Variants in MROH2A observed in about 807,000 individuals in gnomAD.
The protein encoded by MROH2A is maestro heat like repeat family member 2A, also known as maestro heat-like repeat-containing protein family member 2A.
A neutral mutation model predicts 200.4 loss-of-function variants in MROH2A; 174 were observed. That is an observed-to-expected ratio of 0.87 (90% CI 0.77 to 0.98). The LOEUF is 0.98. MROH2A is among the 50% of genes least tolerant of loss of function. The pLI is 0.00. For missense variants in MROH2A, 2,045 were observed against 2,139.6 expected (o/e 0.96, Z 0.87); for synonymous variants, 829 against 840.4 (o/e 0.99, Z 0.23).
Position 233,822,528 on chromosome 2 carries a change from CCT to C in MROH2A, c.3841_3842del (p.Leu1281AlafsTer178). The C allele has an allele frequency of 6.5e-7, 1 of 1,550,348 alleles. No individual in the cohort carries two copies. On this transcript the variant is annotated frameshift_variant, in exon 33 of 42. Coordinates refer to ENST00000389758, the MANE Select transcript of MROH2A (RefSeq NM_001394639.1). LOFTEE classifies it high-confidence loss of function. ...LKMWKLVHTT[P>X]LPEEMNLQRV... The stretch of plus-strand genomic sequence containing the variant: ...GATGTGGAAGCTGGTCCACACCACT[CCT>C]CTGCCGGAGGAGATGAACCTGCAAA...
At chr2:233,793,452 C>A (rs1701909013) in intron 6 of MROH2A, among the ~76,000 whole-genome samples, 1 of 152,206 alleles carries the variant, frequency 6.6e-6, no homozygotes, top group Non-Finnish European at 1.5e-5. Flanking sequence ...CCGTCTCTGT[C>A]CTTGAAGGAG....
rs952994745 is a variant in MROH2A at position 233,822,166 on chromosome 2, C to G, written c.3555C>G (p.Pro1185=). The G allele has an allele frequency of 1.5e-5, 23 of 1,549,870 alleles. No individual in the cohort carries two copies. Among genetic ancestry groups the G allele is most frequent in the Middle Eastern group, 1.7e-4 (1 of 6,014 alleles). Residue 1185 remains proline (P), a synonymous_variant, in exon 32 of 42, where the codon CCC becomes CCG. Coordinates refer to ENST00000389758, the MANE Select transcript of MROH2A (RefSeq NM_001394639.1). ...GGCTGGCAGTGTCGGAGAACGTGCC[C>G]TTCGCCCGGACCATGCTCCACAGCC... ...EVWLAVSENV[P]FARTMLHSLM... is the part of the protein sequence containing the mutation.
chr2:233,787,996 T>A (rs12466732), intron 3 of MROH2A, among the ~76,000 whole-genome samples: 111 of 9,068 alleles, frequency 0.012, 3 homozygotes, highest in Admixed American at 0.018. Flanking sequence ...ATACATATAT[T>A]ATATATATAC....
In MROH2A at chr2:233,828,564, C is replaced by A; in HGVS notation, c.4114-66C>A. 6.6e-7 allele frequency: 1 copy of A among 1,522,388 alleles called. No individual in the cohort carries two copies. Among genetic ancestry groups the A allele is most frequent in the Admixed American group, 2.0e-5 (1 of 49,104 alleles). 94.3% of individuals were successfully genotyped at this position (1,522,388 alleles called of 1,614,324 possible). A position where few individuals can be genotyped will look rare whatever the true frequency, so the allele number is the denominator to read the frequency against. ...CCAATCTGCATTACCTCTCCTCCCA[C>A]GTCCCACCTTGCTGCTGAGAAATGA... On this transcript the variant is annotated intron_variant, in intron 35 of 41. Coordinates refer to ENST00000389758, the MANE Select transcript of MROH2A (RefSeq NM_001394639.1). The surrounding 1 kb of genome is among the most constrained non-coding windows in gnomAD (Gnocchi z 4.6).
At chr2:233,815,111 G>A (rs1486492004) in intron 26 of MROH2A, among the ~76,000 whole-genome samples, 2 of 152,118 alleles carry the variant, frequency 1.3e-5, no homozygotes, top group Non-Finnish European at 2.9e-5. Context: ...TTTTCTCCTC[G>A]ATCCAGGATA....
chr2:233,800,337 C>CACTGTGCGGGTGGG, intron 14 of MROH2A, 22 bp downstream of exon 14: 1 of 1,436,552 alleles, frequency 7.0e-7, no homozygotes, highest in Non-Finnish European at 9.5e-7. Context: ...CTGCCCCACC[C>CACTGTGCGGGTGGG]GCACAGTGGG....
chr2:233,787,447 A>G (rs1475615645), intron 3 of MROH2A, among the ~76,000 whole-genome samples: 3 of 130,218 alleles, frequency 2.3e-5, no homozygotes, highest in African/African-American at 6.0e-5. Context: ...ATATACATAT[A>G]CATATATATT....
chr2:233,779,871 C>A lies in MROH2A; in HGVS notation c.276+19C>A, dbSNP rs1165469251. 7.8e-6 allele frequency: 12 copies of A among 1,543,932 alleles called. No homozygotes were observed. The highest frequency in any genetic ancestry group is 9.6e-6 in the Non-Finnish European group (11 of 1,143,540). On this transcript the variant is annotated intron_variant, in intron 3 of 41. Transcript: ENST00000389758. ...GCCAGAGGTAGGGCCATCTTACCCA[C>A]TGGGCTCAGCCACCTTTAGCTCTGT...
intron 38 of MROH2A, among the ~76,000 whole-genome samples, chr2:233,830,172 G>A (rs967652668): frequency 1.3e-5 from 2 of 152,216 alleles, no homozygotes; most frequent in Admixed American, 6.5e-5. Flanking sequence ...GGATGGGAGC[G>A]GGCCTGGCTT....
intron 3 of MROH2A, among the ~76,000 whole-genome samples, chr2:233,783,775 A>G (rs937168031): frequency 1.3e-5 from 2 of 152,108 alleles, no homozygotes; most frequent in African/African-American, 4.8e-5. Flanking sequence ...CCTGACCTCA[A>G]GTGATCTGCC....
chr2:233,811,298 G>T (rs1703140188), intron 23 of MROH2A, among the ~76,000 whole-genome samples: 1 of 152,212 alleles, frequency 6.6e-6, no homozygotes, highest in Admixed American at 6.5e-5. Context: ...AGCCCTGAAG[G>T]ATGCACAGAA....
intron 11 of MROH2A, 101 bp downstream of exon 11, chr2:233,796,414 C>T (rs1702116399): frequency 2.7e-6 from 2 of 751,914 alleles, no homozygotes; most frequent in Non-Finnish European, 4.4e-6. Context: ...TTGCCACTTC[C>T]TAGACACTAC....
chr2:233,802,494 A>G, intron 15 of MROH2A, 179 bp downstream of exon 15: 1 of 682,790 alleles, frequency 1.5e-6, no homozygotes, highest in Non-Finnish European at 2.4e-6. Context: ...GATCATATCT[A>G]GGTCATGTTA....
chr2:233,823,420 C>T, intron 34 of MROH2A, 136 bp from the exon 35 acceptor site: 1 of 1,092,706 alleles, frequency 9.2e-7, no homozygotes, highest in Non-Finnish European at 1.3e-6. Flanking sequence ...GGGAGAAACC[C>T]AGAGATGTTA....
At chr2:233,786,542 G>A (rs1339558062) in intron 3 of MROH2A, among the ~76,000 whole-genome samples, 5 of 152,152 alleles carry the variant, frequency 3.3e-5, no homozygotes, top group African/African-American at 1.2e-4. Context: ...TCCCACTGGG[G>A]GTTAGGGCTT....
Position 233,822,983 on chromosome 2 carries a change from C to G in MROH2A, c.3969C>G (p.Gly1323=). 6.5e-7 allele frequency: 1 copy of G among 1,548,722 alleles called. No homozygotes were observed. The highest frequency in any genetic ancestry group is 8.7e-7 in the Non-Finnish European group (1 of 1,146,940). Residue 1323 remains glycine (G), a synonymous_variant, in exon 34 of 42, where the codon GGC becomes GGG. Coordinates refer to ENST00000389758, the MANE Select transcript of MROH2A (RefSeq NM_001394639.1). ...EQAVWDLLQD[G]GTFLEGVSLL... is the part of the protein sequence containing the mutation. ...CAGTGTGGGACCTCCTGCAGGACGGCGGGACATTCCTGGAGGGTGTGAGCC... is the reference window on the plus strand; with the variant it reads ...CAGTGTGGGACCTCCTGCAGGACGGGGGGACATTCCTGGAGGGTGTGAGCC...
Position 233,822,155 on chromosome 2 carries a change from G to A in MROH2A, c.3544G>A (p.Glu1182Lys). 6.5e-7 allele frequency: 1 copy of A among 1,550,126 alleles called. No individual in the cohort carries two copies. The highest frequency in any genetic ancestry group is 8.7e-7 in the Non-Finnish European group (1 of 1,146,930). ...HLAEVWLAVS[E>K]NVPFARTMLH... ...GGCAGAGGTGTGGCTGGCAGTGTCG[G>A]AGAACGTGCCCTTCGCCCGGACCAT... is the stretch of plus-strand genomic sequence containing the variant. Residue 1182 changes from glutamate to lysine, a missense_variant, in exon 32 of 42, where the codon GAG (glutamate) becomes AAG (lysine). By Grantham distance (56) the Glu-to-Lys change is moderately conservative (BLOSUM62 1). Transcript: ENST00000389758.
chr2:233,798,687 A>T, intron 11 of MROH2A, 87 bp from the exon 12 acceptor site: 1 of 911,298 alleles, frequency 1.1e-6, no homozygotes, highest in Non-Finnish European at 1.8e-6. Context: ...GTGGGAGGAG[A>T]CAGAACGTGA....
Position 233,831,413 on chromosome 2 carries a change from G to T in MROH2A, c.4607G>T (p.Cys1536Phe). ...TGCCGTCCTGTGTCCCTGCAGGCCTGTATGGCTACCATGTTTCAGTGTGTG... is the reference window on the plus strand; with the variant it reads ...TGCCGTCCTGTGTCCCTGCAGGCCTTTATGGCTACCATGTTTCAGTGTGTG... Reference protein sequence around the residue: ...QDPCSNAAQACMATMFQCVHF... With the variant: ...QDPCSNAAQAFMATMFQCVHF... The change falls in exon 39 of 42, where the codon TGT becomes TTT. Residue 1536 changes from cysteine (C) to phenylalanine (F), a missense_variant. Transcript: ENST00000389758. 6.5e-7 allele frequency: 1 copy of T among 1,549,516 alleles called. No individual in the cohort carries two copies. Among genetic ancestry groups the T allele is most frequent in the Non-Finnish European group, 8.7e-7 (1 of 1,146,442 alleles).
Sources: gnomAD v4.1 joint callset for allele counts (sites outside exome capture counted in the v4.1 genomes callset) on GRCh38, gnomAD v4.1.1 for gene constraint, Gnocchi (gnomAD v3.1) non-coding constraint, MANE v1.5 for transcripts, NCBI Gene and HGNC (gene_info 2026-07-23, HGNC 2026-07-21) for gene names.